IL1RAPL1: variants seen among roughly 807,000 people sequenced by gnomAD.
IL1RAPL1 encodes interleukin-1 receptor accessory protein-like 1.
In IL1RAPL1, 3 loss-of-function variants were observed where a neutral mutation model predicts 48.4. The observed-to-expected ratio is 0.06, with a 90% CI of 0.03 to 0.16. IL1RAPL1 has a LOEUF of 0.16. Among genes scored for constraint, IL1RAPL1 ranks in the 10% least tolerant of loss-of-function variants. The pLI is 1.00. For synonymous variants in IL1RAPL1, 185 were observed against 187.7 expected (o/e 0.99, Z 0.12); for missense variants, 349 against 530.6 (o/e 0.66, Z 3.36).
At chrX:29,803,976 G>T (rs1350723780) in intron 6 of IL1RAPL1, among the ~76,000 whole-genome samples, 5 of 111,178 alleles carry the variant, frequency 4.5e-5, no homozygotes, top group African/African-American at 1.6e-4. Flanking sequence ...CTTGATTATA[G>T]TTTTAAGATG....
At chrX:29,082,704 T>A (rs1159786985) in intron 2 of IL1RAPL1, among the ~76,000 whole-genome samples, 12 of 111,967 alleles carry the variant, frequency 1.1e-4, no homozygotes, top group Non-Finnish European at 2.3e-4. Flanking sequence ...TGGTCAGTTT[T>A]CTTTTACGTG....
chrX:29,387,559 T>C (rs1933794798), intron 3 of IL1RAPL1, among the ~76,000 whole-genome samples: 1 of 112,351 alleles, frequency 8.9e-6, no homozygotes, highest in Non-Finnish European at 1.9e-5. Context: ...GAAGAAGGCC[T>C]GTTGTGTGTA....
chrX:29,797,487 C>A (rs1161861313), intron 6 of IL1RAPL1, among the ~76,000 whole-genome samples: 1 of 112,092 alleles, frequency 8.9e-6, no homozygotes. Context: ...GCCCCCTCAT[C>A]CTTCTGTTTG....
intron 2 of IL1RAPL1, among the ~76,000 whole-genome samples, chrX:29,263,710 C>T (rs774526847): frequency 9.0e-6 from 1 of 111,224 alleles, no homozygotes; most frequent in East Asian, 2.8e-4. Flanking sequence ...ATAGAAAAGG[C>T]ACTAGAGACA....
intron 6 of IL1RAPL1, among the ~76,000 whole-genome samples, chrX:29,893,905 A>T (rs1191325832): frequency 8.9e-6 from 1 of 111,880 alleles, no homozygotes; most frequent in Non-Finnish European, 1.9e-5. Flanking sequence ...GTTGACAGAG[A>T]GACATTTAAG....
At chrX:28,894,797 T>G (rs1922865897) in intron 2 of IL1RAPL1, among the ~76,000 whole-genome samples, 1 of 111,291 alleles carries the variant, frequency 9.0e-6, no homozygotes, top group Non-Finnish European at 1.9e-5. Flanking sequence ...GTGTAAGAAT[T>G]CTGACCGCAC....
chrX:29,885,273 G>A (rs760540687), intron 6 of IL1RAPL1, among the ~76,000 whole-genome samples: 5 of 111,899 alleles, frequency 4.5e-5, no homozygotes, highest in Non-Finnish European at 9.4e-5. Flanking sequence ...ATTTAAAATT[G>A]CAAACCTATT....
At chrX:29,159,558 G>A (rs957890100) in intron 2 of IL1RAPL1, among the ~76,000 whole-genome samples, 1 of 111,746 alleles carries the variant, frequency 8.9e-6, no homozygotes, top group Non-Finnish European at 1.9e-5. Flanking sequence ...AAATGTCTGT[G>A]AATTTCTGAA....
intron 2 of IL1RAPL1, among the ~76,000 whole-genome samples, chrX:29,024,393 C>T (rs750638320): frequency 3.9e-4 from 44 of 111,709 alleles, no homozygotes; most frequent in African/African-American, 1.3e-3. Flanking sequence ...GATTGAATCA[C>T]GTAGTGATTA....
chrX:28,669,223 C>G (rs1223719836), intron 1 of IL1RAPL1, among the ~76,000 whole-genome samples: 1 of 111,170 alleles, frequency 9.0e-6, no homozygotes, highest in Non-Finnish European at 1.9e-5. Context: ...ATGAACTGGA[C>G]CAGAAATTTA....
intron 1 of IL1RAPL1, among the ~76,000 whole-genome samples, chrX:28,695,274 C>T (rs931635555): frequency 1.8e-5 from 2 of 111,038 alleles, no homozygotes; most frequent in African/African-American, 6.5e-5. Context: ...CTCTTTTAAG[C>T]CTCACATCAT....
intron 2 of IL1RAPL1, among the ~76,000 whole-genome samples, chrX:29,195,212 G>A (rs888215490): frequency 8.9e-6 from 1 of 111,994 alleles, no homozygotes; most frequent in Admixed American, 9.5e-5. Flanking sequence ...GGTGAGAAGA[G>A]ATATAGTGAA....
At chrX:29,243,291 T>G (rs985524538) in intron 2 of IL1RAPL1, among the ~76,000 whole-genome samples, 1 of 112,379 alleles carries the variant, frequency 8.9e-6, no homozygotes, top group African/African-American at 3.2e-5. Flanking sequence ...CTGAAACCCC[T>G]TGAAAATAAA....
intron 6 of IL1RAPL1, among the ~76,000 whole-genome samples, chrX:29,889,392 T>C (rs763903283): frequency 8.9e-6 from 1 of 112,038 alleles, no homozygotes; most frequent in South Asian, 3.7e-4. Flanking sequence ...TTTTTATTCA[T>C]GACCCATTTC....
intron 6 of IL1RAPL1, among the ~76,000 whole-genome samples, chrX:29,701,966 C>A (rs1267896917): frequency 9.0e-6 from 1 of 111,556 alleles, no homozygotes; most frequent in Non-Finnish European, 1.9e-5. Flanking sequence ...CATTTTAAGA[C>A]CTTCCTGGCC....
chrX:29,792,051 T>C (rs778794197), intron 6 of IL1RAPL1, among the ~76,000 whole-genome samples: 1 of 111,731 alleles, frequency 9.0e-6, no homozygotes, highest in African/African-American at 3.3e-5. Flanking sequence ...CATTTTCATC[T>C]TGTGAAGCTA....
intron 2 of IL1RAPL1, among the ~76,000 whole-genome samples, chrX:29,076,786 G>GTCTA (rs1569231688): frequency 7.4e-5 from 4 of 53,696 alleles, no homozygotes; most frequent in East Asian, 4.7e-4. Flanking sequence ...CTATCTGTCT[G>GTCTA]TCTGTCTGTC....
intron 2 of IL1RAPL1, among the ~76,000 whole-genome samples, chrX:29,003,970 C>T (rs186145612): frequency 2.7e-5 from 3 of 111,362 alleles, no homozygotes; most frequent in African/African-American, 6.5e-5. Context: ...GGCAGAACCC[C>T]GTCTCTACTA....
intron 3 of IL1RAPL1, among the ~76,000 whole-genome samples, chrX:29,371,556 G>A (rs1933546312): frequency 1.8e-5 from 2 of 111,821 alleles, no homozygotes; most frequent in Admixed American, 9.5e-5. Flanking sequence ...AGTGAGCATA[G>A]TACCCGATAG....
Sources: allele counts gnomAD v4.1 joint callset (sites outside exome capture counted in the v4.1 genomes callset), GRCh38; gene constraint gnomAD v4.1.1; transcripts MANE v1.5; gene names NCBI Gene and HGNC (gene_info 2026-07-23, HGNC 2026-07-21).